Variants in AGBL1 observed in about 807,000 individuals in gnomAD.
AGBL1 encodes the protein AGBL carboxypeptidase 1.
Under a neutral mutation model 118.9 loss-of-function variants are expected in AGBL1, and 130 were observed. That is an observed-to-expected ratio of 1.09 (90% CI 0.95 to 1.26). The LOEUF is 1.26. AGBL1 is among the 50% of genes most tolerant of loss of function. The pLI, the probability that AGBL1 is intolerant of heterozygous loss-of-function variation, is 0.00. For synonymous variants in AGBL1, 555 were observed against 478.9 expected, an observed-to-expected ratio of 1.16 and a Z score of -2.08; for missense variants, 1,584 against 1,298.1, an observed-to-expected ratio of 1.22 and a Z score of -3.38.
At chr15:86,513,186 A>G (rs1229976542) in intron 18 of AGBL1, among the ~76,000 whole-genome samples, 2 of 151,976 alleles carry the variant, frequency 1.3e-5, no homozygotes, top group Non-Finnish European at 2.9e-5. Context: ...AGGATCATAT[A>G]TTGCATTTAG....
intron 21 of AGBL1, among the ~76,000 whole-genome samples, chr15:86,660,470 G>A (rs1459543527): frequency 1.3e-5 from 2 of 152,080 alleles, no homozygotes; most frequent in African/African-American, 4.8e-5. Context: ...TTACACTTTG[G>A]TAGGGGACGT....
chr15:86,926,125 G>A (rs562004120), intron 23 of AGBL1, among the ~76,000 whole-genome samples: 2 of 151,998 alleles, frequency 1.3e-5, no homozygotes, highest in Admixed American at 6.5e-5. Flanking sequence ...TTCCCTCCAC[G>A]TTCCTTTCAT....
At chr15:86,656,305 G>A (rs952860283) in intron 21 of AGBL1, among the ~76,000 whole-genome samples, 1 of 152,158 alleles carries the variant, frequency 6.6e-6, no homozygotes. Flanking sequence ...CTTAATTTGA[G>A]CAGAACTAGC....
intron 22 of AGBL1, among the ~76,000 whole-genome samples, chr15:86,904,128 G>A (rs1437322958): frequency 6.6e-6 from 1 of 152,150 alleles, no homozygotes; most frequent in Non-Finnish European, 1.5e-5. Context: ...TCCTCATCGT[G>A]TGGCTAGAGG....
chr15:86,746,444 G>A (rs2077758064), intron 22 of AGBL1, among the ~76,000 whole-genome samples: 1 of 151,938 alleles, frequency 6.6e-6, no homozygotes, highest in South Asian at 2.1e-4. Flanking sequence ...GTTTACCCTT[G>A]ATTTTTTTAT....
chr15:86,945,654 G>A (rs887420199), intron 23 of AGBL1, among the ~76,000 whole-genome samples: 4 of 152,144 alleles, frequency 2.6e-5, no homozygotes, highest in African/African-American at 9.7e-5. Flanking sequence ...GTGTGGACAA[G>A]AGAGTGAGAC....
intron 23 of AGBL1, among the ~76,000 whole-genome samples, chr15:86,954,497 C>T (rs949308581): frequency 1.3e-5 from 2 of 152,142 alleles, no homozygotes; most frequent in Non-Finnish European, 2.9e-5. Context: ...ATGTCCTTTG[C>T]AGCAGCATAG....
intron 22 of AGBL1, among the ~76,000 whole-genome samples, chr15:86,904,340 T>A (rs1035373846): frequency 6.6e-6 from 1 of 151,430 alleles, no homozygotes; most frequent in African/African-American, 2.4e-5. Flanking sequence ...TGTCTTCTTA[T>A]TTTTTTAGTA....
At chr15:87,018,330 C>A (rs1347757446) in intron 24 of AGBL1, among the ~76,000 whole-genome samples, 1 of 151,882 alleles carries the variant, frequency 6.6e-6, no homozygotes, top group African/African-American at 2.4e-5. Context: ...TCTCTAAGGT[C>A]AAAATGAAAG....
intron 5 of AGBL1, among the ~76,000 whole-genome samples, chr15:86,165,170 T>A (rs2077320331): frequency 1.3e-5 from 2 of 152,158 alleles, no homozygotes; most frequent in South Asian, 2.1e-4. Flanking sequence ...CACCTTAGTC[T>A]CCTGTTGGCT....
chr15:86,300,913 C>T (rs1005522718), intron 17 of AGBL1, among the ~76,000 whole-genome samples: 1 of 152,170 alleles, frequency 6.6e-6, no homozygotes, highest in Non-Finnish European at 1.5e-5. Flanking sequence ...TAATGAGCTA[C>T]TGCGGCACCT....
At chr15:86,160,080 A>G (rs1171141603) in intron 5 of AGBL1, among the ~76,000 whole-genome samples, 2 of 140,790 alleles carry the variant, frequency 1.4e-5, no homozygotes, top group East Asian at 4.1e-4. Context: ...TCCAAAATTG[A>G]TTTAGTCAGG....
At chr15:87,002,751 G>A (rs916023695) in intron 24 of AGBL1, among the ~76,000 whole-genome samples, 2 of 152,192 alleles carry the variant, frequency 1.3e-5, no homozygotes, top group African/African-American at 4.8e-5. Flanking sequence ...TTGTGAATGA[G>A]AGTTCACTCA....
intron 18 of AGBL1, among the ~76,000 whole-genome samples, chr15:86,457,443 C>T (rs1164828791): frequency 6.6e-6 from 1 of 152,178 alleles, no homozygotes; most frequent in East Asian, 1.9e-4. Flanking sequence ...ATATTCTCTG[C>T]TTTCTGAAGA....
chr15:86,284,416 T>C (rs1239548151), intron 16 of AGBL1, among the ~76,000 whole-genome samples: 2 of 152,210 alleles, frequency 1.3e-5, no homozygotes, highest in African/African-American at 4.8e-5. Context: ...CTCACATTTT[T>C]AAAGTTAAGT....
intron 5 of AGBL1, among the ~76,000 whole-genome samples, chr15:86,186,089 G>A (rs2077628377): frequency 1.3e-5 from 2 of 152,098 alleles, no homozygotes; most frequent in Admixed American, 1.3e-4. Flanking sequence ...TCAAATCTTT[G>A]GGAGAAGGTG....
intron 22 of AGBL1, among the ~76,000 whole-genome samples, chr15:86,865,611 A>G (rs560123261): frequency 6.6e-6 from 1 of 152,352 alleles, no homozygotes; most frequent in Admixed American, 6.5e-5. Context: ...TAACTGAGAG[A>G]AAAATCCCAT....
chr15:86,279,533 G>T, intron 15 of AGBL1, 106 bp from the exon 16 acceptor site: 4 of 1,098,858 alleles, frequency 3.6e-6, no homozygotes, highest in Non-Finnish European at 5.3e-6. Flanking sequence ...ATTGTGCCAG[G>T]ACAGTATATA....
At chr15:86,455,232 A>G (rs2142075938) in intron 18 of AGBL1, among the ~76,000 whole-genome samples, 1 of 152,316 alleles carries the variant, frequency 6.6e-6, no homozygotes, top group Non-Finnish European at 1.5e-5. Flanking sequence ...AGTGCCTGGT[A>G]CATAGGAGGC....
Sources: gnomAD v4.1 joint callset for allele counts (sites outside exome capture counted in the v4.1 genomes callset) on GRCh38, gnomAD v4.1.1 for gene constraint, MANE v1.5 for transcripts, NCBI Gene and HGNC (gene_info 2026-07-23, HGNC 2026-07-21) for gene names.